Variants in GCNT1 observed in about 807,000 individuals in gnomAD.
The protein encoded by GCNT1 is glucosaminyl (N-acetyl) transferase 1.
A neutral mutation model predicts 26.2 loss-of-function variants in GCNT1; 16 were observed. The observed-to-expected ratio is 0.61, with a 90% CI of 0.41 to 0.93. The LOEUF (loss-of-function observed/expected upper bound fraction) is 0.93, where lower values mean the gene tolerates loss of function less well. Among genes scored for constraint, GCNT1 ranks in the 40% least tolerant of loss-of-function variants. GCNT1 has a pLI of 0.00. For missense variants in GCNT1, 477 were observed against 526.7 expected (o/e 0.91, Z 0.92); for synonymous variants, 183 against 190.8 (o/e 0.96, Z 0.34).
chr9:76,479,557 C>G (rs1824360977), intron 2 of GCNT1, among the ~76,000 whole-genome samples: 1 of 152,214 alleles, frequency 6.6e-6, no homozygotes, highest in Admixed American at 6.5e-5. Flanking sequence ...GCCATTCTAA[C>G]TGGTGTGAGA....
chr9:76,412,958 C>T, the GCNT1 span, among the ~76,000 whole-genome samples: 1 of 152,170 alleles, frequency 6.6e-6, no homozygotes, highest in Non-Finnish European at 1.5e-5. Context: ...CTGGATAATG[C>T]CCTAGACCCC....
At chr9:76,407,116 A>G in the GCNT1 span, among the ~76,000 whole-genome samples, 27 of 152,008 alleles carry the variant, frequency 1.8e-4, no homozygotes, top group Non-Finnish European at 3.5e-4. Flanking sequence ...TAGGAATTTT[A>G]TAGTTTTGCA....
At position 76,503,014 on chromosome 9, in the gene GCNT1, G is replaced by A; in HGVS notation, c.633G>A (p.Lys211=). ...TCTATGCAATGAGTGCAAACTGGAA[G>A]TACTTGATAAATCTTTGTGGTATGG... The part of the protein sequence containing the change: ...KDLYAMSANW[K]YLINLCGMDF... The change falls in exon 4 of 4, where the codon AAG becomes AAA. Residue 211 remains lysine, a synonymous_variant. Transcript: ENST00000376730. 1 of 1,613,846 alleles carries A rather than the reference G, an allele frequency of 6.2e-7. No individual in the cohort carries two copies. The highest frequency in any genetic ancestry group is 2.2e-5 in the East Asian group (1 of 44,880).
At chr9:76,394,068 A>G in the GCNT1 span, 1 of 1,574,138 alleles carries the variant, frequency 6.4e-7, no homozygotes, top group Non-Finnish European at 8.6e-7. Flanking sequence ...GGCCCGGGGG[A>G]CTCTGGCCGC....
intron 1 of GCNT1, among the ~76,000 whole-genome samples, chr9:76,425,518 C>T (rs997418918): frequency 2.6e-5 from 4 of 151,954 alleles, no homozygotes; most frequent in Admixed American, 6.6e-5. Context: ...CCACTGCACC[C>T]GGCCTTAATT....
At position 76,467,418 on chromosome 9, in the gene GCNT1, C is replaced by G. The variant is rs180693687; in HGVS notation, c.-290+7241C>G. ...GGGGAAGGACCTTTTCAAGCCCCTT[C>G]CACATCATGCAGGTTCATGTTCCAT... is the stretch of plus-strand genomic sequence containing the variant. On this transcript the variant is annotated intron_variant, in intron 2 of 3. Transcript: ENST00000376730. Among the ~76,000 whole-genome samples, 82 of 151,942 alleles carry G rather than the reference C, an allele frequency of 5.4e-4. 1 individual carries two copies. Among genetic ancestry groups the G allele is most frequent in the Non-Finnish European group, 7.9e-4 (54 of 68,000 alleles).
chr9:76,428,280 A>AG (rs1564220542), intron 1 of GCNT1, among the ~76,000 whole-genome samples: 1 of 142,960 alleles, frequency 7.0e-6, no homozygotes, highest in African/African-American at 2.5e-5. Context: ...AAAAAAAAAA[A>AG]AAAAAAAAAC....
chr9:76,460,577 C>T (rs555189214), intron 2 of GCNT1, among the ~76,000 whole-genome samples: 63 of 152,318 alleles, frequency 4.1e-4, no homozygotes, highest in Non-Finnish European at 7.5e-4. Flanking sequence ...CTGCTGGAGG[C>T]TTTCGTAACA....
chr9:76,402,413 T>G, the GCNT1 span, among the ~76,000 whole-genome samples: 2 of 152,238 alleles, frequency 1.3e-5, no homozygotes, highest in East Asian at 3.8e-4. Context: ...TGAAATGTGC[T>G]TTGAATATTT....
chr9:76,398,976 C>T, the GCNT1 span: 2 of 1,505,494 alleles, frequency 1.3e-6, no homozygotes, highest in Non-Finnish European at 9.1e-7. Context: ...TTTGCTGCTG[C>T]CACTGGAGCC....
chr9:76,405,316 C>CACACACAG, the GCNT1 span, among the ~76,000 whole-genome samples: 1 of 149,924 alleles, frequency 6.7e-6, no homozygotes, highest in African/African-American at 2.4e-5. Flanking sequence ...CACACACACA[C>CACACACAG]AGGCTTCCTC....
intron 2 of GCNT1, among the ~76,000 whole-genome samples, chr9:76,475,805 T>C (rs1824241802): frequency 6.6e-6 from 1 of 152,174 alleles, no homozygotes; most frequent in Non-Finnish European, 1.5e-5. Flanking sequence ...CATTACCATA[T>C]CTCCATTTTT....
At chr9:76,454,099 G>A (rs62564449) in intron 1 of GCNT1, among the ~76,000 whole-genome samples, 29,530 of 151,870 alleles carry the variant, frequency 0.19, 3,426 homozygotes, top group Non-Finnish European at 0.27. Context: ...AACCAGTATC[G>A]GCTGAGTGCG....
At chr9:76,464,234 G>A (rs989930752) in intron 2 of GCNT1, among the ~76,000 whole-genome samples, 1 of 151,928 alleles carries the variant, frequency 6.6e-6, no homozygotes, top group Non-Finnish European at 1.5e-5. Flanking sequence ...TTTGTTTGTT[G>A]CAGACAGGGT....
In GCNT1 at chr9:76,500,960, C is replaced by T. The variant is rs376310846; in HGVS notation, c.-245C>T. On this transcript the variant is annotated 5_prime_UTR_variant, in exon 3 of 4. Coordinates refer to ENST00000376730, the MANE Select transcript of GCNT1 (RefSeq NM_001490.5). ...CAGCACATCATTATCGCTGGATGCCCGGACATGTAATACACCTGACAGCAT... is the reference window on the plus strand; with the variant it reads ...CAGCACATCATTATCGCTGGATGCCTGGACATGTAATACACCTGACAGCAT... The T allele has an allele frequency of 2.0e-5, 3 of 152,050 alleles. No homozygotes were observed. Among genetic ancestry groups the T allele is most frequent in the African/African-American group, 4.8e-5 (2 of 41,380 alleles). The allele number at this position is 152,050 out of a possible 1,614,324, so 9.4% of individuals were successfully genotyped here.
chr9:76,465,988 A>G (rs1199355696), intron 2 of GCNT1, among the ~76,000 whole-genome samples: 3 of 152,182 alleles, frequency 2.0e-5, no homozygotes, highest in African/African-American at 4.8e-5. Context: ...TTTGTGAGAC[A>G]TCCAAGTAAA....
At position 76,504,121 on chromosome 9, in the gene GCNT1, ATTATAT is replaced by A; in HGVS notation, c.*456_*461del. On this transcript the variant is annotated 3_prime_UTR_variant, in exon 4 of 4. Transcript: ENST00000376730. ...TAATCAAAGATACAATTAATCTGAT[ATTATAT>A]TTGTTGAAATAGAAATTTGATTGTA... The A allele has an allele frequency of 5.0e-6, 1 of 200,762 alleles. No homozygotes were observed. 12.4% of individuals were successfully genotyped at this position (200,762 alleles called of 1,614,324 possible). A position where few individuals can be genotyped will look rare whatever the true frequency, so the allele number is the denominator to read the frequency against.
rs575143422 is a variant in GCNT1, at chr9:76,421,549, C to T, written n.38+1662C>T. On this transcript the variant is annotated intron_variant and non_coding_transcript_variant, in intron 1 of 3. Coordinates refer to the GCNT1 transcript ENST00000488136. ...AACCCAGGAGGGAGGCTGAGTGAGC[C>T]GAGATGGAGCCATTGCCCTCCAGCC... Among the ~76,000 whole-genome samples the T allele has an allele frequency of 4.9e-5, 7 of 143,104 alleles. No individual in the cohort carries two copies. In the East Asian group the frequency reaches 8.3e-4, roughly 17 times the overall value. The allele number at this position is 143,104 out of a possible 152,430, so 93.9% of individuals were successfully genotyped here. A position where few individuals can be genotyped will look rare whatever the true frequency, so the allele number is the denominator to read the frequency against.
the GCNT1 span, among the ~76,000 whole-genome samples, chr9:76,413,140 T>C: frequency 6.6e-6 from 1 of 152,238 alleles, no homozygotes; most frequent in Non-Finnish European, 1.5e-5. Context: ...CATGTTTTGT[T>C]TGAATTACTT....
Sources: allele counts gnomAD v4.1 joint callset (sites outside exome capture counted in the v4.1 genomes callset), GRCh38; gene constraint gnomAD v4.1.1; transcripts MANE v1.5; gene names NCBI Gene and HGNC (gene_info 2026-07-23, HGNC 2026-07-21).